The following CNPY1 variants were observed in gnomAD, a reference collection of about 807,000 sequenced individuals.
CNPY1 encodes the protein protein canopy homolog 1.
CNPY1 carries 14 observed loss-of-function variants against 14.4 expected under a neutral mutation model. The ratio of observed to expected loss-of-function variants is 0.97; its 90% CI spans 0.64 to 1.52. The LOEUF is 1.52. Ranked by LOEUF, CNPY1 falls within the 40% of genes most tolerant of loss-of-function variation. The pLI is 0.00. For missense variants in CNPY1, 129 were observed against 131.5 expected (o/e 0.98, Z 0.09); for synonymous variants, 43 against 46.5 (o/e 0.92, Z 0.31).
chr7:155,504,689 A>AACACACACACACACACAC (rs61377945), intron 4 of CNPY1, among the ~76,000 whole-genome samples: 29 of 145,294 alleles, frequency 2.0e-4, no homozygotes, highest in African/African-American at 6.1e-4. Flanking sequence ...CATACCCCCC[A>AACACACACACACACACAC]ACACACACAC....
chr7:155,543,866 C>G (rs976682868), intron 2 of CNPY1, among the ~76,000 whole-genome samples: 1 of 152,242 alleles, frequency 6.6e-6, no homozygotes, highest in Non-Finnish European at 1.5e-5. Context: ...AGCTGCGACT[C>G]TAAGATTGCC....
intron 2 of CNPY1, among the ~76,000 whole-genome samples, chr7:155,509,782 A>T (rs1261365902): frequency 6.6e-6 from 1 of 152,172 alleles, no homozygotes; most frequent in Non-Finnish European, 1.5e-5. Context: ...CAGCTGGTGC[A>T]CGTCCCCGCG....
At chr7:155,511,889 G>A (rs1796539900) in intron 2 of CNPY1, among the ~76,000 whole-genome samples, 1 of 152,176 alleles carries the variant, frequency 6.6e-6, no homozygotes, top group Admixed American at 6.5e-5. Flanking sequence ...ATGCATTACA[G>A]CTCTTTATAC....
chr7:155,513,986 A>C (rs902935211), intron 2 of CNPY1, among the ~76,000 whole-genome samples: 3 of 152,254 alleles, frequency 2.0e-5, no homozygotes, highest in African/African-American at 7.2e-5. Context: ...ACCTCTGTTA[A>C]AAAATCTTCT....
In CNPY1 at chr7:155,502,278, C is replaced by T. The variant is rs2116645761; in HGVS notation, c.*790G>A. 1 of 127,108 alleles carries T rather than the reference C, an allele frequency of 7.9e-6. No homozygotes were observed. The highest frequency in any genetic ancestry group is 2.1e-4 in the East Asian group (1 of 4,670). The allele number at this position is 127,108 out of a possible 1,614,324, so 7.9% of individuals were successfully genotyped here. On this transcript the variant is annotated 3_prime_UTR_variant, in exon 5 of 5. Transcript: ENST00000636446. Reference sequence around the variant, plus strand: ...AGATTATTTAGTAGTAAACTCAACACACTAAATGTGAGCCAAAAAAAAAAC... The same window carrying T: ...AGATTATTTAGTAGTAAACTCAACATACTAAATGTGAGCCAAAAAAAAAAC...
intron 2 of CNPY1, among the ~76,000 whole-genome samples, chr7:155,533,345 A>G (rs1344310261): frequency 6.6e-6 from 1 of 152,208 alleles, no homozygotes; most frequent in Non-Finnish European, 1.5e-5. Context: ...CGTTCGTCAA[A>G]GAGGGAGGGG....
intron 2 of CNPY1, among the ~76,000 whole-genome samples, chr7:155,525,602 C>G (rs1367459911): frequency 6.6e-6 from 1 of 152,204 alleles, no homozygotes; most frequent in Admixed American, 6.5e-5. Context: ...CCAGCCAGTA[C>G]CGGTAAGACC....
At chr7:155,543,624 GAGTT>G (rs1797126529) in intron 2 of CNPY1, among the ~76,000 whole-genome samples, 1 of 152,246 alleles carries the variant, frequency 6.6e-6, no homozygotes, top group Non-Finnish European at 1.5e-5. Flanking sequence ...ACTCTGCTGT[GAGTT>G]AGCCAGAAGC....
chr7:155,513,613 C>CAA (rs11463414), intron 2 of CNPY1, among the ~76,000 whole-genome samples: 13 of 145,010 alleles, frequency 9.0e-5, no homozygotes, highest in Non-Finnish European at 1.4e-4. Flanking sequence ...TTAGGTTGTT[C>CAA]AAAAAAAAAA....
At chr7:155,510,158 A>G (rs1266680141) in intron 2 of CNPY1, 1 of 152,242 alleles carries the variant, frequency 6.6e-6, no homozygotes, top group Non-Finnish European at 1.5e-5. Context: ...TTTCAGGCGC[A>G]GTATGAACCC....
chr7:155,537,846 TA>T (rs1007967476), intron 2 of CNPY1, among the ~76,000 whole-genome samples: 4 of 151,228 alleles, frequency 2.6e-5, no homozygotes, highest in African/African-American at 9.7e-5. Context: ...TTTTGATTTC[TA>T]AAAAAAAACC....
At chr7:155,535,490 C>A (rs1299867500) in intron 2 of CNPY1, among the ~76,000 whole-genome samples, 1 of 152,184 alleles carries the variant, frequency 6.6e-6, no homozygotes, top group Non-Finnish European at 1.5e-5. Context: ...AGGATACACT[C>A]AAGAAATGTA....
At chr7:155,511,439 C>A (rs1796529280) in intron 2 of CNPY1, among the ~76,000 whole-genome samples, 1 of 152,196 alleles carries the variant, frequency 6.6e-6, no homozygotes, top group African/African-American at 2.4e-5. Flanking sequence ...CTTCTGTGGG[C>A]CACTTGATTT....
chr7:155,533,041 T>G (rs1332152319), intron 2 of CNPY1, among the ~76,000 whole-genome samples: 2 of 152,196 alleles, frequency 1.3e-5, no homozygotes, highest in Non-Finnish European at 2.9e-5. Flanking sequence ...CGATACCCAC[T>G]CAACGTCCTT....
At chr7:155,540,428 T>C (rs1797070855) in intron 2 of CNPY1, among the ~76,000 whole-genome samples, 1 of 152,246 alleles carries the variant, frequency 6.6e-6, no homozygotes, top group Non-Finnish European at 1.5e-5. Context: ...TCACTAAAGC[T>C]TTCTGGGCCT....
intron 4 of CNPY1, among the ~76,000 whole-genome samples, chr7:155,504,172 T>C (rs754624072): frequency 1.3e-5 from 2 of 152,218 alleles, no homozygotes; most frequent in Non-Finnish European, 2.9e-5. Context: ...ATGACTTTTA[T>C]TCTATCCAGT....
At chr7:155,530,448 G>A (rs1160125390) in intron 2 of CNPY1, among the ~76,000 whole-genome samples, 1 of 151,816 alleles carries the variant, frequency 6.6e-6, no homozygotes, top group Non-Finnish European at 1.5e-5. Context: ...CCCTGCACCT[G>A]CCCAAGTAGC....
chr7:155,514,619 G>A (rs888099491), intron 2 of CNPY1, among the ~76,000 whole-genome samples: 1 of 152,208 alleles, frequency 6.6e-6, no homozygotes, highest in Non-Finnish European at 1.5e-5. Flanking sequence ...GTCTGGCTGG[G>A]TGCAGTGGCT....
intron 2 of CNPY1, among the ~76,000 whole-genome samples, chr7:155,540,688 A>G (rs187448593): frequency 1.3e-5 from 2 of 152,336 alleles, no homozygotes; most frequent in Admixed American, 1.3e-4. Flanking sequence ...CGGTGAACAC[A>G]CGTTTCCTGG....
Sources: gnomAD v4.1 joint callset for allele counts (sites outside exome capture counted in the v4.1 genomes callset) on GRCh38, gnomAD v4.1.1 for gene constraint, MANE v1.5 for transcripts, NCBI Gene and HGNC (gene_info 2026-07-23, HGNC 2026-07-21) for gene names.